DISP1: variants seen among roughly 807,000 people sequenced by gnomAD.
DISP1 encodes the protein protein dispatched homolog 1.
In DISP1, 30 loss-of-function variants were observed where a neutral mutation model predicts 37.3. The ratio of observed to expected loss-of-function variants is 0.80; its 90% CI spans 0.60 to 1.09. DISP1 has a LOEUF of 1.09. DISP1 is among the 50% of genes least tolerant of loss of function. The probability of loss-of-function intolerance (pLI) is 0.00; values close to 1 mark genes in which losing one functional copy is unlikely to be tolerated. For synonymous variants in DISP1, 634 were observed against 690.2 expected (o/e 0.92, Z 1.28); for missense variants, 1,598 against 1,879.5 (o/e 0.85, Z 2.77).
At chr1:222,853,612 C>T (rs977728712) in intron 1 of DISP1, among the ~76,000 whole-genome samples, 1 of 152,014 alleles carries the variant, frequency 6.6e-6, no homozygotes, top group African/African-American at 2.4e-5. Context: ...AGCTGGAGGA[C>T]ATTATGTTAA....
At chr1:222,869,097 A>G (rs1669370475) in intron 1 of DISP1, among the ~76,000 whole-genome samples, 2 of 152,154 alleles carry the variant, frequency 1.3e-5, no homozygotes, top group Non-Finnish European at 2.9e-5. Flanking sequence ...AAGAGGAAAA[A>G]ATAAACTCCT....
chr1:222,964,290 T>C (rs1367138076), intron 3 of DISP1, among the ~76,000 whole-genome samples: 1 of 74,002 alleles, frequency 1.4e-5, no homozygotes, highest in Non-Finnish European at 2.8e-5. Context: ...AGAGCGAGAC[T>C]CTATCTCAAA....
At chr1:222,931,358 T>G (rs1157099551) in intron 2 of DISP1, among the ~76,000 whole-genome samples, 2 of 151,902 alleles carry the variant, frequency 1.3e-5, no homozygotes, top group African/African-American at 4.8e-5. Context: ...ATCCATGGTA[T>G]CTTTTAGACA....
intron 1 of DISP1, among the ~76,000 whole-genome samples, chr1:222,829,525 A>C (rs1172921810): frequency 2.6e-5 from 4 of 151,878 alleles, no homozygotes; most frequent in Non-Finnish European, 4.4e-5. Context: ...GCTCACTGCA[A>C]CCTCTGCCTT....
At chr1:222,980,410 A>AGTGTGTGTGTGT (rs3028495) in intron 3 of DISP1, among the ~76,000 whole-genome samples, 1,735 of 148,136 alleles carry the variant, frequency 0.012, 19 homozygotes, top group South Asian at 0.024. Flanking sequence ...GATGTAACAA[A>AGTGTGTGTGTGT]GTGTGTGTGT....
intron 2 of DISP1, among the ~76,000 whole-genome samples, chr1:222,936,521 G>A (rs1000916868): frequency 7.7e-6 from 1 of 130,500 alleles, no homozygotes; most frequent in Non-Finnish European, 1.6e-5. Context: ...TCAGTATGAT[G>A]GAAATGTCTC....
intron 3 of DISP1, among the ~76,000 whole-genome samples, chr1:222,956,735 C>G (rs1675627351): frequency 6.6e-6 from 1 of 152,074 alleles, no homozygotes; most frequent in Admixed American, 6.5e-5. Flanking sequence ...GGATTGTAGA[C>G]TTCATTCCAG....
intron 1 of DISP1, among the ~76,000 whole-genome samples, chr1:222,911,280 C>T (rs1450681290): frequency 1.3e-5 from 2 of 152,134 alleles, no homozygotes; most frequent in Non-Finnish European, 2.9e-5. Context: ...TAGGTGATAT[C>T]ATAGCATCAG....
At chr1:222,931,193 GC>G in intron 2 of DISP1, among the ~76,000 whole-genome samples, 2 of 151,896 alleles carry the variant, frequency 1.3e-5, no homozygotes, top group South Asian at 4.2e-4. Context: ...TCAGTTTTTG[GC>G]TTTATGAAGG....
intron 2 of DISP1, among the ~76,000 whole-genome samples, chr1:222,931,620 G>T (rs931842116): frequency 1.3e-5 from 2 of 151,344 alleles, no homozygotes; most frequent in Admixed American, 6.6e-5. Context: ...TAACAGTCCT[G>T]CTATCTGCAG....
chr1:222,816,102 T>A (rs1014964660), intron 1 of DISP1, among the ~76,000 whole-genome samples: 4 of 142,422 alleles, frequency 2.8e-5, no homozygotes, highest in South Asian at 2.2e-4. Flanking sequence ...TATATATATA[T>A]AAATATTTGC....
chr1:222,905,504 G>A (rs897088329), intron 1 of DISP1, among the ~76,000 whole-genome samples: 5 of 152,082 alleles, frequency 3.3e-5, no homozygotes, highest in African/African-American at 1.2e-4. Context: ...TTAACAGAAC[G>A]TATAAATTTG....
intron 1 of DISP1, among the ~76,000 whole-genome samples, chr1:222,846,911 T>G (rs1667945482): frequency 6.6e-6 from 1 of 152,274 alleles, no homozygotes; most frequent in Non-Finnish European, 1.5e-5. Flanking sequence ...GTTTCCGTTG[T>G]GATAATTTTT....
intron 1 of DISP1, among the ~76,000 whole-genome samples, chr1:222,902,630 A>T (rs945847237): frequency 1.1e-4 from 16 of 152,336 alleles, no homozygotes; most frequent in Non-Finnish European, 4.4e-5. Flanking sequence ...CCCATAAAAA[A>T]GTGGGCAAAG....
chr1:222,846,687 C>T (rs987596192), intron 1 of DISP1, among the ~76,000 whole-genome samples: 4 of 152,220 alleles, frequency 2.6e-5, no homozygotes, highest in African/African-American at 9.6e-5. Context: ...AGTAGAATGG[C>T]CTGTGGCCAA....
chr1:222,867,997 G>A (rs944663301), intron 1 of DISP1, among the ~76,000 whole-genome samples: 1 of 152,066 alleles, frequency 6.6e-6, no homozygotes, highest in Admixed American at 6.6e-5. Context: ...ACTTGGAAAG[G>A]GTCTGAACCT....
intron 1 of DISP1, chr1:222,827,389 G>A (rs1021257955): frequency 6.6e-6 from 1 of 152,028 alleles, no homozygotes; most frequent in Non-Finnish European, 1.5e-5. Context: ...ATCCATATGT[G>A]GGTTATTGAA....
chr1:222,854,965 T>C (rs995185833), intron 1 of DISP1, among the ~76,000 whole-genome samples: 1 of 152,128 alleles, frequency 6.6e-6, no homozygotes, highest in African/African-American at 2.4e-5. Flanking sequence ...TCCAGAGAGC[T>C]CTGGGGCTCC....
At chr1:222,897,489 G>T (rs1671332026) in intron 1 of DISP1, among the ~76,000 whole-genome samples, 1 of 152,102 alleles carries the variant, frequency 6.6e-6, no homozygotes, top group African/African-American at 2.4e-5. Flanking sequence ...CCTCAAAGTT[G>T]TTTAAAAATA....
Sources: gnomAD v4.1 joint callset for allele counts (sites outside exome capture counted in the v4.1 genomes callset) on GRCh38, gnomAD v4.1.1 for gene constraint, MANE v1.5 for transcripts, NCBI Gene and HGNC (gene_info 2026-07-23, HGNC 2026-07-21) for gene names.